Variants in USF3 observed in about 807,000 individuals in gnomAD.
USF3 encodes the protein upstream transcription factor family member 3.
In USF3, 29 loss-of-function variants were observed where a neutral mutation model predicts 157.5. The observed-to-expected ratio is 0.18, with a 90% CI of 0.14 to 0.25. The LOEUF is 0.25. Ranked by LOEUF, USF3 falls within the 10% of genes least tolerant of loss-of-function variation. USF3 has a pLI of 1.00. For missense variants in USF3, 2,381 were observed against 2,667.6 expected (o/e 0.89, Z 2.37); for synonymous variants, 893 against 941.4 (o/e 0.95, Z 0.94).
At chr3:113,670,089 G>C (rs1242312762) in intron 5 of USF3, 32 bp downstream of exon 5, 1 of 1,388,562 alleles carries the variant, frequency 7.2e-7, no homozygotes, top group East Asian at 2.3e-5. Context: ...CTGTTCATAA[G>C]TAATGAATGA....
chr3:113,688,909 T>C (rs1707620688), intron 1 of USF3, among the ~76,000 whole-genome samples: 1 of 152,170 alleles, frequency 6.6e-6, no homozygotes, highest in Non-Finnish European at 1.5e-5. Context: ...CGGGAGCCTG[T>C]AGTCCCAGCT....
Position 113,658,276 on chromosome 3 carries a change from CA to C in USF3, c.3405del (p.Ala1136GlnfsTer22). ...TFVEQTDIVA[L>X]AARAIFDQEN... ...TCCTGGTCAAAAATAGCTCTTGCTG[CA>C]AGAGCTACTATATCAGTTTGCTCTA... On this transcript the variant is annotated frameshift_variant, in exon 7 of 7. Coordinates refer to ENST00000316407, the MANE Select transcript of USF3 (RefSeq NM_001009899.4). LOFTEE classifies it high-confidence loss of function. The C allele has an allele frequency of 6.2e-7, 1 of 1,614,144 alleles. No homozygotes were observed. The highest frequency in any genetic ancestry group is 8.5e-7 in the Non-Finnish European group (1 of 1,180,022).
intron 5 of USF3, among the ~76,000 whole-genome samples, chr3:113,666,197 A>T (rs1409156058): frequency 6.7e-6 from 1 of 148,704 alleles, no homozygotes; most frequent in Non-Finnish European, 1.5e-5. Context: ...AAAAATAATA[A>T]ATATATATAT....
At chr3:113,670,060 A>G in intron 5 of USF3, 61 bp downstream of exon 5, 2 of 1,146,742 alleles carry the variant, frequency 1.7e-6, no homozygotes, top group South Asian at 2.5e-5. Context: ...CTAAGCACCA[A>G]AACAACTTAG....
In USF3 at chr3:113,661,403, C is replaced by T; in HGVS notation, c.279G>A (p.Arg93=). The T allele has an allele frequency of 6.4e-7, 1 of 1,559,236 alleles. No homozygotes were observed. The highest frequency in any genetic ancestry group is 1.4e-5 in the African/African-American group (1 of 72,152). The change falls in exon 7 of 7, where the codon CGG becomes CGA. Residue 93 remains arginine (R), a synonymous_variant. Coordinates refer to ENST00000316407, the MANE Select transcript of USF3 (RefSeq NM_001009899.4). ...NEQAEEIKKL[R]KQLEEIQKEN... ...CTTTTTGGATTTCTTCCAGTTGTTT[C>T]CGTAGCTTTTTTATTTCTTCAGCTA...
rs1310842868 is a variant in USF3 at position 113,655,350 on chromosome 3, T to C, written c.6332A>G (p.Tyr2111Cys). 6.2e-7 allele frequency: 1 copy of C among 1,613,974 alleles called. No individual in the cohort carries two copies. The highest frequency in any genetic ancestry group is 2.2e-5 in the East Asian group (1 of 44,862). Residue 2111 changes from tyrosine to cysteine, a missense_variant, in exon 7 of 7, where the codon TAT becomes TGT. Physicochemically the swap from Tyr to Cys is radical, Grantham distance 194. Coordinates refer to ENST00000316407, the MANE Select transcript of USF3 (RefSeq NM_001009899.4). Reference sequence around the variant, plus strand: ...AGGATGAGCAGGAGAGTATGGAGGATAGAAGGAGGGCAGAGTATTTTGCGG... The same window carrying C: ...AGGATGAGCAGGAGAGTATGGAGGACAGAAGGAGGGCAGAGTATTTTGCGG... ...VDPQNTLPSF[Y>C]PPYSPAHPTL...
Position 113,657,545 on chromosome 3 carries a change from A to G in USF3, c.4137T>C (p.Pro1379=). 1 of 1,614,140 alleles carries G rather than the reference A, an allele frequency of 6.2e-7. No homozygotes were observed. The highest frequency in any genetic ancestry group is 8.5e-7 in the Non-Finnish European group (1 of 1,180,026). The change falls in exon 7 of 7, where the codon CCT becomes CCC. Residue 1379 remains proline, a synonymous_variant. Coordinates refer to ENST00000316407, the MANE Select transcript of USF3 (RefSeq NM_001009899.4). ...DQTQMMVSQI[P]PNSSNSVVPV... is the part of the protein sequence containing the mutation. Reference sequence around the variant, plus strand: ...GCACAACTGAGTTTGAAGAATTAGGAGGGATCTGACTGACCATCATTTGAG... The same window carrying G: ...GCACAACTGAGTTTGAAGAATTAGGGGGGATCTGACTGACCATCATTTGAG...
In USF3 at chr3:113,655,981, A is replaced by C; in HGVS notation, c.5701T>G (p.Ser1901Ala). Residue 1901 changes from serine to alanine, a missense_variant, in exon 7 of 7, where the codon TCT becomes GCT. Around this residue, in one of 6 missense-constraint regions of USF3, gnomAD observed 770 missense variants for 824.2 expected, o/e 0.93. Coordinates refer to ENST00000316407, the MANE Select transcript of USF3 (RefSeq NM_001009899.4). ...CGACCTTGAATATCTCCTGAGGAAG[A>C]GGAACTTGAAAAAGGAATATTCAAG... The part of the protein sequence containing the change: ...STLNIPFSSS[S>A]SSGDIQGRNT... The C allele has an allele frequency of 2.5e-6, 4 of 1,614,188 alleles. No homozygotes were observed. The highest frequency in any genetic ancestry group is 3.4e-6 in the Non-Finnish European group (4 of 1,180,026).
intron 6 of USF3, among the ~76,000 whole-genome samples, chr3:113,664,026 G>A (rs1368869061): frequency 2.6e-5 from 4 of 152,090 alleles, no homozygotes; most frequent in East Asian, 1.9e-4. Context: ...TTGGAATAAA[G>A]GAGATTTAGC....
chr3:113,661,546 G>A (rs1037093137), intron 6 of USF3, 121 bp from the exon 7 acceptor site: 18 of 539,394 alleles, frequency 3.3e-5, no homozygotes, highest in East Asian at 2.5e-4. Context: ...TACTTCAACC[G>A]AGACTCTTCA....
chr3:113,648,939 T>G lies in USF3; in HGVS notation c.*6005A>C, dbSNP rs1947212995. ...AGCCTGCTGAAAGTGGAAGCGAATC[T>G]TTTCTTCACAGTAACACAACTGCAG... On this transcript the variant is annotated 3_prime_UTR_variant, in exon 7 of 7. Coordinates refer to ENST00000316407, the MANE Select transcript of USF3 (RefSeq NM_001009899.4). 6.6e-6 allele frequency: 1 copy of G among 152,458 alleles called. No individual in the cohort carries two copies. The highest frequency in any genetic ancestry group is 2.1e-4 in the South Asian group (1 of 4,828). 9.4% of individuals were successfully genotyped at this position (152,458 alleles called of 1,614,324 possible).
intron 1 of USF3, among the ~76,000 whole-genome samples, chr3:113,688,669 G>C (rs1707613218): frequency 6.6e-6 from 1 of 152,212 alleles, no homozygotes; most frequent in African/African-American, 2.4e-5. Flanking sequence ...TTGAATGAAG[G>C]AATGAGTGAC....
chr3:113,666,691 C>T (rs895655701), intron 5 of USF3, among the ~76,000 whole-genome samples: 1 of 151,442 alleles, frequency 6.6e-6, no homozygotes, highest in Non-Finnish European at 1.5e-5. Context: ...CCTGCCTCAG[C>T]CTCCCGAGTA....
At chr3:113,680,134 G>A (rs1055373835) in intron 1 of USF3, among the ~76,000 whole-genome samples, 2 of 141,666 alleles carry the variant, frequency 1.4e-5, no homozygotes, top group African/African-American at 5.2e-5. Context: ...GAATGAATTC[G>A]AAGTATTCCC....
At chr3:113,694,901 C>T (rs1350627766) in intron 1 of USF3, among the ~76,000 whole-genome samples, 2 of 152,150 alleles carry the variant, frequency 1.3e-5, no homozygotes, top group Non-Finnish European at 2.9e-5. Context: ...TAAAAATTAG[C>T]TGGGCTGGTG....
intron 5 of USF3, among the ~76,000 whole-genome samples, chr3:113,667,208 C>A (rs1480265850): frequency 6.6e-6 from 1 of 152,128 alleles, no homozygotes; most frequent in African/African-American, 2.4e-5. Context: ...TAATATTGTT[C>A]TTTTTAAAAA....
intron 1 of USF3, among the ~76,000 whole-genome samples, chr3:113,694,873 T>C (rs1707766008): frequency 6.6e-6 from 1 of 152,130 alleles, no homozygotes; most frequent in South Asian, 2.1e-4. Flanking sequence ...GGAGAAACCC[T>C]GTCTCTACTT....
chr3:113,687,249 ACACACACACACACACACC>A (rs1308807900), intron 1 of USF3, among the ~76,000 whole-genome samples: 2 of 151,116 alleles, frequency 1.3e-5, no homozygotes, highest in African/African-American at 4.9e-5. Context: ...ACACACACAC[ACACACACACACACACACC>A]CCCTTTCTAG....
In USF3 at chr3:113,659,917, T is replaced by G; in HGVS notation, c.1765A>C (p.Asn589His). The change falls in exon 7 of 7, where the codon AAT becomes CAT. Residue 589 changes from asparagine to histidine, a missense_variant. Physicochemically the swap from Asn to His is moderately conservative, Grantham distance 68. Transcript: ENST00000316407. ...QIVIIQAANQNPLPLLPAPPP... is the reference protein window; with the variant it reads ...QIVIIQAANQHPLPLLPAPPP... Reference sequence around the variant, plus strand: ...GGAGCAGGGAGGAGTGGCAAAGGATTCTGATTAGCAGCCTGTATGATTACT... The same window carrying G: ...GGAGCAGGGAGGAGTGGCAAAGGATGCTGATTAGCAGCCTGTATGATTACT... 6.2e-7 allele frequency: 1 copy of G among 1,614,176 alleles called. No homozygotes were observed. Among genetic ancestry groups the G allele is most frequent in the Non-Finnish European group, 8.5e-7 (1 of 1,180,030 alleles).
Sources: gnomAD v4.1 joint callset for allele counts (sites outside exome capture counted in the v4.1 genomes callset) on GRCh38, gnomAD v4.1.1 for gene constraint, gnomAD v4.1.1 regional missense constraint, MANE v1.5 for transcripts, NCBI Gene and HGNC (gene_info 2026-07-23, HGNC 2026-07-21) for gene names.